PLXDC2: variants seen among roughly 807,000 people sequenced by gnomAD.
PLXDC2 encodes the protein plexin domain-containing protein 2.
Under a neutral mutation model 68.9 loss-of-function variants are expected in PLXDC2, and 40 were observed. The observed-to-expected ratio is 0.58, with a 90% confidence interval of 0.45 to 0.76. The LOEUF is 0.76. Among genes scored for constraint, PLXDC2 ranks in the 30% least tolerant of loss-of-function variants. The pLI is 0.00. For synonymous variants in PLXDC2, 243 were observed against 234.2 expected, an observed-to-expected ratio of 1.04 and a Z score of -0.34; for missense variants, 644 against 661.9, an observed-to-expected ratio of 0.97 and a Z score of 0.30.
chr10:20,275,372 G>C (rs1259471402), intron 13 of PLXDC2, among the ~76,000 whole-genome samples: 1 of 152,152 alleles, frequency 6.6e-6, no homozygotes, highest in Non-Finnish European at 1.5e-5. Flanking sequence ...AGGAGCTGCA[G>C]TTTAACAAGA....
At chr10:20,205,778 A>G (rs907439578) in intron 9 of PLXDC2, among the ~76,000 whole-genome samples, 4 of 152,086 alleles carry the variant, frequency 2.6e-5, no homozygotes, top group Non-Finnish European at 5.9e-5. Flanking sequence ...TTTAATCCTT[A>G]TATAACCTCC....
chr10:19,984,527 T>C (rs1834603848), intron 1 of PLXDC2, among the ~76,000 whole-genome samples: 3 of 152,316 alleles, frequency 2.0e-5, no homozygotes, highest in South Asian at 4.1e-4. Flanking sequence ...ATTACATGTG[T>C]AGGGTAGAAA....
intron 1 of PLXDC2, among the ~76,000 whole-genome samples, chr10:19,832,990 T>C (rs996839087): frequency 1.3e-5 from 2 of 152,198 alleles, no homozygotes; most frequent in Non-Finnish European, 2.9e-5. Flanking sequence ...GCAGTAAAAT[T>C]ACTCATCTCT....
chr10:20,012,465 A>G (rs959907172), intron 2 of PLXDC2, among the ~76,000 whole-genome samples: 7 of 149,518 alleles, frequency 4.7e-5, no homozygotes, highest in Non-Finnish European at 8.9e-5. Context: ...TTACAGTGCC[A>G]CCACCACGCC....
intron 13 of PLXDC2, among the ~76,000 whole-genome samples, chr10:20,278,554 T>C (rs1285675321): frequency 1.3e-5 from 2 of 152,190 alleles, no homozygotes; most frequent in Admixed American, 1.3e-4. Flanking sequence ...ATTTACGGCA[T>C]TCTGACCACA....
chr10:20,183,280 A>G (rs1834632515), intron 9 of PLXDC2, among the ~76,000 whole-genome samples: 1 of 151,962 alleles, frequency 6.6e-6, no homozygotes, highest in Non-Finnish European at 1.5e-5. Context: ...ATGGGACTGA[A>G]TGAAATCAGC....
chr10:20,057,922 TAA>T (rs11343734), intron 3 of PLXDC2, among the ~76,000 whole-genome samples: 2 of 148,824 alleles, frequency 1.3e-5, no homozygotes, highest in Non-Finnish European at 3.0e-5. Flanking sequence ...GAATCTGCAT[TAA>T]AAAAAAAAGA....
intron 1 of PLXDC2, among the ~76,000 whole-genome samples, chr10:19,872,720 A>T (rs997377133): frequency 6.6e-6 from 1 of 151,916 alleles, no homozygotes; most frequent in African/African-American, 2.4e-5. Flanking sequence ...GGTGGGGGTG[A>T]TTGGGCTTGG....
chr10:20,161,419 G>A (rs1436032737), intron 6 of PLXDC2, among the ~76,000 whole-genome samples: 1 of 150,960 alleles, frequency 6.6e-6, no homozygotes, highest in African/African-American at 2.4e-5. Context: ...TCCAAGAAAG[G>A]AAGTAGTAAG....
At chr10:19,886,726 G>A (rs973975345) in intron 1 of PLXDC2, among the ~76,000 whole-genome samples, 5 of 152,186 alleles carry the variant, frequency 3.3e-5, no homozygotes, top group South Asian at 4.1e-4. Context: ...AGACAGGGAT[G>A]CCCTCTCTCA....
intron 2 of PLXDC2, among the ~76,000 whole-genome samples, chr10:20,013,123 T>C (rs1157977710): frequency 6.6e-6 from 1 of 152,210 alleles, no homozygotes; most frequent in Non-Finnish European, 1.5e-5. Context: ...ATCATTAATA[T>C]TCACCTTTTA....
intron 9 of PLXDC2, among the ~76,000 whole-genome samples, chr10:20,187,534 AAATT>A (rs1834702547): frequency 6.6e-6 from 1 of 151,764 alleles, no homozygotes; most frequent in Admixed American, 6.6e-5. Flanking sequence ...AATATACAAT[AAATT>A]GTTAATTACA....
rs368037109 is a variant in PLXDC2, at chr10:20,197,357, T to TTTTG, written c.1062-14295_1062-14292dup. 1.1e-4 allele frequency among the ~76,000 whole-genome samples: 16 copies of TTTTG among 147,096 alleles called. 1 individual carries two copies. The highest frequency in any genetic ancestry group is 4.0e-4 in the Admixed American group (6 of 15,068). The stretch of plus-strand genomic sequence containing the variant: ...TCTTTGAAGATCTATGGTGATTGTT[T>TTTTG]TTTGTTTGTTTGTTTGTTTGAAGGA... On this transcript the variant is annotated intron_variant, in intron 9 of 13. Coordinates refer to ENST00000377252, the MANE Select transcript of PLXDC2 (RefSeq NM_032812.9).
intron 1 of PLXDC2, among the ~76,000 whole-genome samples, chr10:19,879,175 G>C (rs757842727): frequency 2.6e-5 from 4 of 152,120 alleles, no homozygotes; most frequent in African/African-American, 7.2e-5. Flanking sequence ...GCAATGATAG[G>C]ATAGGTAATT....
At chr10:19,850,610 C>T (rs1479994115) in intron 1 of PLXDC2, among the ~76,000 whole-genome samples, 4 of 152,156 alleles carry the variant, frequency 2.6e-5, no homozygotes, top group African/African-American at 7.2e-5. Context: ...CACACCCATA[C>T]TAAGAGACTC....
chr10:19,945,381 A>G (rs567023021), intron 1 of PLXDC2, among the ~76,000 whole-genome samples: 1 of 152,116 alleles, frequency 6.6e-6, no homozygotes, highest in Admixed American at 6.5e-5. Flanking sequence ...TAGCAGACCA[A>G]AGTCATGCAG....
rs11011860 is a variant in PLXDC2 at position 20,198,940 on chromosome 10, T to C, written c.1062-12729T>C. Among the ~76,000 whole-genome samples, 581 of 152,186 alleles carry C rather than the reference T, an allele frequency of 3.8e-3. 1 individual carries two copies. The highest frequency in any genetic ancestry group is 0.013 in the African/African-American group (534 of 41,558). ...CGGTGACTGGCCATTTTGTTATGTTTCTAACTCAAAGGGAAAACATTCAGT... is the reference window on the plus strand; with the variant it reads ...CGGTGACTGGCCATTTTGTTATGTTCCTAACTCAAAGGGAAAACATTCAGT... On this transcript the variant is annotated intron_variant, in intron 9 of 13. Coordinates refer to ENST00000377252, the MANE Select transcript of PLXDC2 (RefSeq NM_032812.9).
chr10:19,880,348 A>G (rs555731789), intron 1 of PLXDC2, among the ~76,000 whole-genome samples: 9 of 152,384 alleles, frequency 5.9e-5, no homozygotes, highest in African/African-American at 2.2e-4. Context: ...TATATGCACT[A>G]TAATTTTTCT....
chr10:19,857,113 C>T (rs1423642613), intron 1 of PLXDC2, among the ~76,000 whole-genome samples: 1 of 152,200 alleles, frequency 6.6e-6, no homozygotes, highest in East Asian at 1.9e-4. Flanking sequence ...ACCTAGTTTA[C>T]AACTGAGGGA....
Sources: gnomAD v4.1 joint callset for allele counts (sites outside exome capture counted in the v4.1 genomes callset) on GRCh38, gnomAD v4.1.1 for gene constraint, MANE v1.5 for transcripts, NCBI Gene and HGNC (gene_info 2026-07-23, HGNC 2026-07-21) for gene names.